The following SLC5A4 variants were observed in gnomAD, a reference collection of about 807,000 sequenced individuals.
The protein encoded by SLC5A4 is probable glucose sensor protein SLC5A4.
A neutral mutation model predicts 70.3 loss-of-function variants in SLC5A4; 55 were observed. That is an observed-to-expected ratio of 0.78 (90% CI 0.63 to 0.98). The LOEUF (loss-of-function observed/expected upper bound fraction) is 0.98, where lower values mean the gene tolerates loss of function less well. Among genes scored for constraint, SLC5A4 ranks in the 50% least tolerant of loss-of-function variants. The probability of loss-of-function intolerance (pLI) is 0.00; values close to 1 mark genes in which losing one functional copy is unlikely to be tolerated. For synonymous variants in SLC5A4, 268 were observed against 305.7 expected (o/e 0.88, Z 1.29); for missense variants, 735 against 839.2 (o/e 0.88, Z 1.53).
intron 11 of SLC5A4, 42 bp from the exon 12 acceptor site, chr22:32,225,865 CTA>C: frequency 7.4e-7 from 1 of 1,350,816 alleles, no homozygotes; most frequent in Non-Finnish European, 1.0e-6. Context: ...AACAAAAGCA[CTA>C]TAGTTACTTC....
At chr22:32,257,728 C>T (rs9609471), upstream of SLC5A4, among the ~76,000 whole-genome samples, 16,898 of 149,878 alleles carry the variant, frequency 0.11, 1,195 homozygotes, top group Non-Finnish European at 0.16. Flanking sequence ...TGCAATGGCA[C>T]AATCTTGGCT....
chr22:32,324,349 T>G, the SLC5A4 span, among the ~76,000 whole-genome samples: 4 of 151,462 alleles, frequency 2.6e-5, no homozygotes, highest in Non-Finnish European at 1.5e-5. Context: ...AATGACTTTT[T>G]AAAAAAAACA....
the SLC5A4 span, among the ~76,000 whole-genome samples, chr22:32,331,071 A>ATGTTGGGGGCTTTGGTGTGTG: frequency 4.7e-5 from 1 of 21,434 alleles, no homozygotes; most frequent in Admixed American, 6.1e-4. Context: ...TCTGGTGTGT[A>ATGTTGGGGGCTTTGGTGTGTG]TGTGTTGAAG....
the SLC5A4 span, among the ~76,000 whole-genome samples, chr22:32,351,396 C>A: frequency 6.6e-6 from 1 of 151,306 alleles, no homozygotes; most frequent in African/African-American, 2.4e-5. Context: ...AATAACGGAC[C>A]GATCATTTTT....
the SLC5A4 span, among the ~76,000 whole-genome samples, chr22:32,337,250 T>C: frequency 1.3e-5 from 2 of 152,214 alleles, no homozygotes; most frequent in African/African-American, 2.4e-5. Flanking sequence ...GCTGTTTTCC[T>C]GTGCACATAA....
At chr22:32,242,657 T>A (rs1926603096) in intron 5 of SLC5A4, among the ~76,000 whole-genome samples, 1 of 152,022 alleles carries the variant, frequency 6.6e-6, no homozygotes, top group Middle Eastern at 3.2e-3. Context: ...TGCAGTGAAC[T>A]GAGGTCACAC....
the SLC5A4 span, among the ~76,000 whole-genome samples, chr22:32,309,611 C>T: frequency 1.5e-4 from 23 of 152,160 alleles, no homozygotes; most frequent in East Asian, 4.1e-3. Flanking sequence ...ACCTGGGGAC[C>T]CACGGGGTTT....
the SLC5A4 span, among the ~76,000 whole-genome samples, chr22:32,267,949 T>C: frequency 0.071 from 10,774 of 151,866 alleles, 425 homozygotes; most frequent in South Asian, 0.11. Context: ...ACAGTGAAAC[T>C]CCATCTCTAC....
Position 32,235,053 on chromosome 22 carries a change from C to A in SLC5A4, c.705G>T (p.Lys235Asn). The change falls in exon 8 of 15, where the codon AAG becomes AAT. Residue 235 changes from lysine to asparagine, a missense_variant. Coordinates refer to ENST00000266086, the MANE Select transcript of SLC5A4 (RefSeq NM_014227.3). ...EVGGYESFTE[K>N]YVNATPSVVE... ...CTACGGATGGGGTGGCATTCACGTA[C>A]TTCTCGGTAAAGCTCTCATAACCTC... 6.2e-7 allele frequency: 1 copy of A among 1,613,912 alleles called. No individual in the cohort carries two copies. The highest frequency in any genetic ancestry group is 8.5e-7 in the Non-Finnish European group (1 of 1,179,992).
At chr22:32,220,466 G>C (rs1166157142) in intron 14 of SLC5A4, among the ~76,000 whole-genome samples, 1 of 152,180 alleles carries the variant, frequency 6.6e-6, no homozygotes, top group African/African-American at 2.4e-5. Context: ...TAGTTTTAAA[G>C]AATAAGCATT....
At chr22:32,290,083 C>T in the SLC5A4 span, among the ~76,000 whole-genome samples, 1 of 122,796 alleles carries the variant, frequency 8.1e-6, no homozygotes, top group Admixed American at 8.4e-5. Flanking sequence ...TTCTTTTTTT[C>T]TTTTTACTTT....
At position 32,254,198 on chromosome 22, in the gene SLC5A4, T is replaced by G. The variant is rs768498321; in HGVS notation, c.151A>C (p.Asn51His). 1 of 1,613,970 alleles carries G rather than the reference T, an allele frequency of 6.2e-7. No homozygotes were observed. Among genetic ancestry groups the G allele is most frequent in the South Asian group, 1.1e-5 (1 of 91,076 alleles). ...AAGAAGCCTCCTATAGTACCTCGGT[T>G]GGTCTTCAGCATCGCCTGAGCAGAA... ...AVGLWAMLKT[N>H]RGTIGGFFLA... Residue 51 changes from asparagine to histidine, a missense_variant, in exon 2 of 15, where the codon AAC becomes CAC. Transcript: ENST00000266086.
At chr22:32,235,228 G>A in intron 7 of SLC5A4, 135 bp from the exon 8 acceptor site, 1 of 631,146 alleles carries the variant, frequency 1.6e-6, no homozygotes, top group Non-Finnish European at 2.8e-6. Context: ...CCCTCTCCCA[G>A]GTCCATGTCT....
chr22:32,254,798 C>T (rs1375377378), intron 1 of SLC5A4, among the ~76,000 whole-genome samples: 4 of 147,516 alleles, frequency 2.7e-5, no homozygotes, highest in East Asian at 2.0e-4. Flanking sequence ...AGCAAGACTC[C>T]GTCTCAAAAA....
At chr22:32,306,488 T>C in the SLC5A4 span, among the ~76,000 whole-genome samples, 2 of 150,230 alleles carry the variant, frequency 1.3e-5, no homozygotes, top group Admixed American at 6.6e-5. Flanking sequence ...CAAAAACTAC[T>C]GTATATAAAG....
chr22:32,308,946 T>C, the SLC5A4 span, among the ~76,000 whole-genome samples: 1 of 152,198 alleles, frequency 6.6e-6, no homozygotes, highest in Non-Finnish European at 1.5e-5. Flanking sequence ...TCCTTCCTTC[T>C]TACCTACCTA....
At chr22:32,261,335 C>T in the SLC5A4 span, among the ~76,000 whole-genome samples, 1 of 152,250 alleles carries the variant, frequency 6.6e-6, no homozygotes, top group Admixed American at 6.5e-5. Flanking sequence ...CTCCTGCCCC[C>T]TTCACAGGCC....
At chr22:32,323,120 C>T in the SLC5A4 span, among the ~76,000 whole-genome samples, 7 of 152,176 alleles carry the variant, frequency 4.6e-5, no homozygotes, top group African/African-American at 1.2e-4. Context: ...AGGCACCCTC[C>T]GGGATTCTCC....
At chr22:32,271,685 C>A in the SLC5A4 span, 1 of 582,800 alleles carries the variant, frequency 1.7e-6, no homozygotes. Flanking sequence ...GGTGCTGCGG[C>A]TGCACCCCGT....
Sources: allele counts gnomAD v4.1 joint callset (sites outside exome capture counted in the v4.1 genomes callset), GRCh38; gene constraint gnomAD v4.1.1; transcripts MANE v1.5; gene names NCBI Gene and HGNC (gene_info 2026-07-23, HGNC 2026-07-21).